EPC2: variants seen among roughly 807,000 people sequenced by gnomAD.
EPC2 encodes enhancer of polycomb homolog 2.
EPC2 carries 14 observed loss-of-function variants against 92.1 expected under a neutral mutation model. The ratio of observed to expected loss-of-function variants is 0.15; its 90% CI spans 0.10 to 0.24. EPC2 has a LOEUF of 0.24. Among genes scored for constraint, EPC2 ranks in the 10% least tolerant of loss-of-function variants. The pLI, the probability that EPC2 is intolerant of heterozygous loss-of-function variation, is 1.00. For synonymous variants in EPC2, 340 were observed against 334.7 expected (o/e 1.02, Z -0.17); for missense variants, 755 against 971.5 (o/e 0.78, Z 2.96).
chr2:148,685,025 G>A (rs1681486111), intron 1 of EPC2, among the ~76,000 whole-genome samples: 1 of 151,910 alleles, frequency 6.6e-6, no homozygotes, highest in Non-Finnish European at 1.5e-5. Flanking sequence ...AGCCTTTTGG[G>A]TTTTCTCTTC....
chr2:148,762,811 T>C lies in EPC2; in HGVS notation c.948+9T>C, dbSNP rs1683329234. ...AAGAATGTAAAACTAAGGTGAATAT[T>C]GTCTGGGAAGAAGCATGTATGGATG... On this transcript the variant is annotated intron_variant, in intron 6 of 13. Coordinates refer to ENST00000258484, the MANE Select transcript of EPC2 (RefSeq NM_015630.4). The C allele has an allele frequency of 6.3e-7, 1 of 1,596,612 alleles. No individual in the cohort carries two copies. The highest frequency in any genetic ancestry group is 1.3e-5 in the African/African-American group (1 of 74,230).
intron 1 of EPC2, among the ~76,000 whole-genome samples, chr2:148,664,727 G>A (rs1317304147): frequency 6.6e-6 from 1 of 152,112 alleles, no homozygotes; most frequent in African/African-American, 2.4e-5. Context: ...TATATAAATG[G>A]AATCACAGTA....
At chr2:148,785,321 TC>T (rs1296090904) in intron 13 of EPC2, among the ~76,000 whole-genome samples, 1 of 151,832 alleles carries the variant, frequency 6.6e-6, no homozygotes, top group African/African-American at 2.4e-5. Context: ...CAGTTACTCT[TC>T]CCCCCACTGC....
At chr2:148,658,462 A>AT (rs1189648564) in intron 1 of EPC2, among the ~76,000 whole-genome samples, 3 of 152,128 alleles carry the variant, frequency 2.0e-5, no homozygotes, top group Non-Finnish European at 4.4e-5. Context: ...AGCTGGGAGT[A>AT]TATGTCAGGT....
At chr2:148,710,853 G>C (rs1056017817) in intron 2 of EPC2, among the ~76,000 whole-genome samples, 3 of 152,058 alleles carry the variant, frequency 2.0e-5, no homozygotes, top group Admixed American at 6.6e-5. Context: ...TTGTGGGTTG[G>C]GGGGAGTGGG....
intron 1 of EPC2, among the ~76,000 whole-genome samples, chr2:148,667,164 T>C (rs1458895011): frequency 6.6e-6 from 1 of 152,226 alleles, no homozygotes; most frequent in East Asian, 1.9e-4. Flanking sequence ...GTTATTAACA[T>C]TCTGTTGATA....
chr2:148,762,165 T>A (rs1337813500), intron 5 of EPC2: 1 of 257,004 alleles, frequency 3.9e-6, no homozygotes, highest in Non-Finnish European at 7.3e-6. Context: ...TACTTAATTT[T>A]GTTTTGGCAG....
intron 1 of EPC2, among the ~76,000 whole-genome samples, chr2:148,669,656 A>G (rs547728882): frequency 1.3e-5 from 2 of 152,264 alleles, no homozygotes; most frequent in Admixed American, 6.5e-5. Flanking sequence ...CAATCATCCA[A>G]AAGAGTTTGA....
chr2:148,722,961 C>G (rs1682413214), intron 2 of EPC2, among the ~76,000 whole-genome samples: 1 of 152,040 alleles, frequency 6.6e-6, no homozygotes, highest in African/African-American at 2.4e-5. Context: ...TAAGTGGGAC[C>G]TAAATAAACA....
chr2:148,669,567 A>G (rs1293201552), intron 1 of EPC2, among the ~76,000 whole-genome samples: 1 of 152,118 alleles, frequency 6.6e-6, no homozygotes, highest in Non-Finnish European at 1.5e-5. Flanking sequence ...CTGTTGTCCC[A>G]GTTACTCGTG....
At chr2:148,729,940 A>G (rs1212406568) in intron 2 of EPC2, among the ~76,000 whole-genome samples, 1 of 152,198 alleles carries the variant, frequency 6.6e-6, no homozygotes, top group African/African-American at 2.4e-5. Context: ...TGAATTTTGC[A>G]AAGGAGGAGA....
intron 1 of EPC2, among the ~76,000 whole-genome samples, chr2:148,646,840 G>C: frequency 6.6e-6 from 1 of 152,106 alleles, no homozygotes; most frequent in South Asian, 2.1e-4. Context: ...GGCCGGGCAC[G>C]GTGGGTCACG....
chr2:148,775,500 A>G (rs1414544911), intron 10 of EPC2, among the ~76,000 whole-genome samples: 3 of 151,884 alleles, frequency 2.0e-5, no homozygotes, highest in Non-Finnish European at 2.9e-5. Context: ...TCTCTAATGC[A>G]TGGTTGCAAA....
At chr2:148,685,908 T>C (rs969635987) in intron 1 of EPC2, among the ~76,000 whole-genome samples, 5 of 152,272 alleles carry the variant, frequency 3.3e-5, no homozygotes, top group African/African-American at 7.2e-5. Flanking sequence ...AACGGTCATC[T>C]GAGCTTTCGG....
At chr2:148,691,061 T>TA (rs1249947110) in intron 2 of EPC2, among the ~76,000 whole-genome samples, 3 of 152,240 alleles carry the variant, frequency 2.0e-5, no homozygotes, top group Non-Finnish European at 2.9e-5. Context: ...ATATAGTTTT[T>TA]ATTAAAGAAT....
intron 10 of EPC2, among the ~76,000 whole-genome samples, chr2:148,780,641 A>G (rs1186873318): frequency 4.6e-5 from 7 of 152,204 alleles, no homozygotes; most frequent in South Asian, 2.1e-4. Flanking sequence ...ATTTTCCCCT[A>G]TATTCACTGT....
At chr2:148,721,064 T>C (rs1682362864) in intron 2 of EPC2, among the ~76,000 whole-genome samples, 1 of 152,206 alleles carries the variant, frequency 6.6e-6, no homozygotes, top group African/African-American at 2.4e-5. Flanking sequence ...CAAGCTGTTG[T>C]CTGTTAGATA....
intron 2 of EPC2, among the ~76,000 whole-genome samples, chr2:148,707,101 C>G (rs1466074872): frequency 7.9e-5 from 12 of 152,018 alleles, no homozygotes; most frequent in Non-Finnish European, 8.8e-5. Flanking sequence ...TTCAGGAGAC[C>G]CATCTCACGT....
intron 1 of EPC2, among the ~76,000 whole-genome samples, chr2:148,685,049 T>G (rs952867614): frequency 6.6e-6 from 1 of 152,180 alleles, no homozygotes; most frequent in African/African-American, 2.4e-5. Flanking sequence ...AAATTGCCTA[T>G]TTATATCTTT....
Sources: gnomAD v4.1 joint callset for allele counts (sites outside exome capture counted in the v4.1 genomes callset) on GRCh38, gnomAD v4.1.1 for gene constraint, MANE v1.5 for transcripts, NCBI Gene and HGNC (gene_info 2026-07-23, HGNC 2026-07-21) for gene names.